The following TRIM24 variants were observed in gnomAD, a reference collection of about 807,000 sequenced individuals.
TRIM24 encodes transcription intermediary factor 1-alpha.
Under a neutral mutation model 123.9 loss-of-function variants are expected in TRIM24, and 29 were observed. That is an observed-to-expected ratio of 0.23 (90% CI 0.17 to 0.32). TRIM24 has a LOEUF of 0.32. Ranked by LOEUF, TRIM24 falls within the 10% of genes least tolerant of loss-of-function variation. The pLI, the probability that TRIM24 is intolerant of heterozygous loss-of-function variation, is 1.00. For synonymous variants in TRIM24, 456 were observed against 461.1 expected (o/e 0.99, Z 0.14); for missense variants, 932 against 1,295.3 (o/e 0.72, Z 4.31).
chr7:138,485,349 G>T (rs1795620742), intron 1 of TRIM24, among the ~76,000 whole-genome samples: 1 of 151,072 alleles, frequency 6.6e-6, no homozygotes, highest in Admixed American at 6.6e-5. Context: ...ATCCTGAGAA[G>T]AACTTTTTTT....
In TRIM24 at chr7:138,473,651, G is replaced by A. The variant is rs138070264; in HGVS notation, c.364+12739G>A. ...GCTATTACTGTGATAGTACAAAATG[G>A]TTTTTCTATCACTGTATGCTTACTA... On this transcript the variant is annotated intron_variant, in intron 1 of 18. Coordinates refer to ENST00000343526, the MANE Select transcript of TRIM24 (RefSeq NM_015905.3). Among the ~76,000 whole-genome samples, 770 of 152,292 alleles carry A rather than the reference G, an allele frequency of 5.1e-3. 7 individuals carry two copies. Among genetic ancestry groups the A allele is most frequent in the African/African-American group, 0.017 (723 of 41,572 alleles).
intron 1 of TRIM24, among the ~76,000 whole-genome samples, chr7:138,471,492 A>G (rs1418141386): frequency 6.6e-6 from 1 of 151,694 alleles, no homozygotes; most frequent in African/African-American, 2.4e-5. Flanking sequence ...AATATAAATA[A>G]TCTATAGGTT....
At chr7:138,560,187 T>A (rs899934122) in intron 9 of TRIM24, among the ~76,000 whole-genome samples, 1 of 152,212 alleles carries the variant, frequency 6.6e-6, no homozygotes, top group African/African-American at 2.4e-5. Context: ...AAGTGTCCAA[T>A]TCATGTGTTC....
intron 3 of TRIM24, 148 bp downstream of exon 3, chr7:138,515,507 T>C (rs1796376245): frequency 1.0e-6 from 1 of 981,114 alleles, no homozygotes; most frequent in Admixed American, 3.0e-5. Flanking sequence ...GAAATTTAAG[T>C]ACTTACAAAT....
chr7:138,585,155 T>TAGAAGAAAGAAAATGGAAAGAA lies in TRIM24; in HGVS notation c.*205_*226dup. On this transcript the variant is annotated 3_prime_UTR_variant, in exon 19 of 19. Transcript: ENST00000343526. ...GAAAGAAAGGAAAGAAGGAGATGAA[T>TAGAAGAAAGAAAATGGAAAGAA]AGAAGAAAGAAAATGGAAAGAAGGA... 1 of 386,774 alleles carries TAGAAGAAAGAAAATGGAAAGAA rather than the reference T, an allele frequency of 2.6e-6. No homozygotes were observed. The highest frequency in any genetic ancestry group is 2.1e-5 in the African/African-American group (1 of 48,032). The allele number at this position is 386,774 out of a possible 1,614,324, so 24.0% of individuals were successfully genotyped here. A position where few individuals can be genotyped will look rare whatever the true frequency, so the allele number is the denominator to read the frequency against.
intron 11 of TRIM24, among the ~76,000 whole-genome samples, chr7:138,571,454 T>C (rs1797654613): frequency 6.6e-6 from 1 of 152,206 alleles, no homozygotes; most frequent in South Asian, 2.1e-4. Context: ...TAATCTAATG[T>C]CTTTCAAGCC....
chr7:138,461,562 C>T (rs2116432074), intron 1 of TRIM24, among the ~76,000 whole-genome samples: 2 of 152,094 alleles, frequency 1.3e-5, no homozygotes, highest in Middle Eastern at 6.8e-3. Context: ...TTTGAGACGG[C>T]GAAGAGAAAT....
At chr7:138,518,519 T>G (rs1194456213) in intron 3 of TRIM24, among the ~76,000 whole-genome samples, 1 of 152,234 alleles carries the variant, frequency 6.6e-6, no homozygotes, top group African/African-American at 2.4e-5. Flanking sequence ...ACTGGAAAAC[T>G]AGAGTGTAAT....
At position 138,588,700 on chromosome 7, in the gene TRIM24, CA is replaced by C; in HGVS notation, c.*3754del. On this transcript the variant is annotated 3_prime_UTR_variant, in exon 19 of 19. Coordinates refer to ENST00000343526, the MANE Select transcript of TRIM24 (RefSeq NM_015905.3). ...TGGGTGTCAGAGCAAGACTCTGTCA[CA>C]AAAAGAAAAATTATGGGGAATGGCC... The C allele has an allele frequency of 1.4e-5, 2 of 143,968 alleles. No individual in the cohort carries two copies. The highest frequency in any genetic ancestry group is 3.0e-5 in the Non-Finnish European group (2 of 66,394). The allele number at this position is 143,968 out of a possible 1,614,324, so 8.9% of individuals were successfully genotyped here.
intron 12 of TRIM24, among the ~76,000 whole-genome samples, chr7:138,574,725 A>G (rs1188061803): frequency 6.6e-6 from 1 of 152,202 alleles, no homozygotes; most frequent in African/African-American, 2.4e-5. Flanking sequence ...TTGGCAAAAC[A>G]TTCCTGGAAA....
intron 10 of TRIM24, among the ~76,000 whole-genome samples, chr7:138,568,784 T>C (rs1171765955): frequency 1.3e-5 from 2 of 152,186 alleles, no homozygotes; most frequent in Non-Finnish European, 1.5e-5. Flanking sequence ...AAAGCTCCTA[T>C]GACAACAGCC....
At chr7:138,567,883 T>G (rs1797568141) in intron 10 of TRIM24, among the ~76,000 whole-genome samples, 1 of 152,204 alleles carries the variant, frequency 6.6e-6, no homozygotes, top group South Asian at 2.1e-4. Context: ...TAGGTATTAA[T>G]TTTTATAATA....
rs1198341731 is a variant in TRIM24 at position 138,585,153 on chromosome 7, A to G, written c.*202A>G. 2.5e-6 allele frequency: 1 copy of G among 396,628 alleles called. No homozygotes were observed. The highest frequency in any genetic ancestry group is 4.4e-6 in the Non-Finnish European group (1 of 226,010). 24.6% of individuals were successfully genotyped at this position (396,628 alleles called of 1,614,324 possible). ...AAGAAAGAAAGGAAAGAAGGAGATGAATAGAAGAAAGAAAATGGAAAGAAG... is the reference window on the plus strand; with the variant it reads ...AAGAAAGAAAGGAAAGAAGGAGATGGATAGAAGAAAGAAAATGGAAAGAAG... On this transcript the variant is annotated 3_prime_UTR_variant, in exon 19 of 19. Transcript: ENST00000343526.
intron 3 of TRIM24, 21 bp downstream of exon 3, chr7:138,515,380 AT>A (rs1796373499): frequency 1.2e-6 from 2 of 1,605,568 alleles, no homozygotes; most frequent in Non-Finnish European, 8.5e-7. Flanking sequence ...AGATCTTTGC[AT>A]TTTTTTCCTT....
intron 5 of TRIM24, among the ~76,000 whole-genome samples, chr7:138,526,899 C>G (rs1244195599): frequency 6.6e-6 from 1 of 151,934 alleles, no homozygotes; most frequent in Non-Finnish European, 1.5e-5. Flanking sequence ...TAATTATAGG[C>G]ATTTCTACCA....
intron 6 of TRIM24, among the ~76,000 whole-genome samples, chr7:138,530,205 A>G (rs1411787775): frequency 6.6e-5 from 10 of 151,702 alleles, no homozygotes; most frequent in Admixed American, 6.6e-4. Context: ...TATAGTAACT[A>G]TTTGTTCAAG....
intron 7 of TRIM24, among the ~76,000 whole-genome samples, chr7:138,545,959 A>G (rs533166157): frequency 6.6e-6 from 1 of 152,252 alleles, no homozygotes; most frequent in Non-Finnish European, 1.5e-5. Flanking sequence ...GGAGAAGTTG[A>G]TAACAAAACT....
intron 2 of TRIM24, among the ~76,000 whole-genome samples, chr7:138,508,690 T>TGCGCGC (rs371514737): frequency 3.1e-4 from 33 of 106,174 alleles, no homozygotes; most frequent in Non-Finnish European, 3.4e-4. Flanking sequence ...TGTGTGTGTG[T>TGCGCGC]GTGCGCGCGC....
chr7:138,493,099 C>T (rs1795830113), intron 1 of TRIM24, among the ~76,000 whole-genome samples: 2 of 152,114 alleles, frequency 1.3e-5, no homozygotes, highest in South Asian at 4.1e-4. Flanking sequence ...TAATGTGTGT[C>T]TCTTTACTGA....
Sources: allele counts gnomAD v4.1 joint callset (sites outside exome capture counted in the v4.1 genomes callset), GRCh38; gene constraint gnomAD v4.1.1; transcripts MANE v1.5; gene names NCBI Gene and HGNC (gene_info 2026-07-23, HGNC 2026-07-21).